PHKB: variants seen among roughly 807,000 people sequenced by gnomAD.
PHKB encodes phosphorylase b kinase regulatory subunit beta.
In PHKB, 122 loss-of-function variants were observed where a neutral mutation model predicts 152.1. The ratio of observed to expected loss-of-function variants is 0.80; its 90% CI spans 0.69 to 0.93. The LOEUF is 0.93. Among genes scored for constraint, PHKB ranks in the 40% least tolerant of loss-of-function variants. The probability of loss-of-function intolerance (pLI) is 0.00; values close to 1 mark genes in which losing one functional copy is unlikely to be tolerated. For missense variants in PHKB, 1,304 were observed against 1,328.4 expected (o/e 0.98, Z 0.29); for synonymous variants, 436 against 464.9 (o/e 0.94, Z 0.80).
chr16:47,545,822 C>T (rs542959595), intron 6 of PHKB, among the ~76,000 whole-genome samples: 1 of 152,272 alleles, frequency 6.6e-6, no homozygotes, highest in East Asian at 1.9e-4. Flanking sequence ...TATCTCTTCT[C>T]ACTTCATTTC....
At chr16:47,598,775 A>G (rs1972168222) in intron 13 of PHKB, 7 of 1,584,182 alleles carry the variant, frequency 4.4e-6, no homozygotes, top group Middle Eastern at 2.3e-4. Context: ...ACCTCTTCTA[A>G]TTGACTGCCT....
At chr16:47,506,340 T>C (rs1387057176) in intron 4 of PHKB, among the ~76,000 whole-genome samples, 2 of 152,204 alleles carry the variant, frequency 1.3e-5, no homozygotes, top group Admixed American at 6.5e-5. Flanking sequence ...AAAGTATATT[T>C]ATTCATAAGC....
intron 20 of PHKB, among the ~76,000 whole-genome samples, chr16:47,658,809 A>AGTGTGTGTGTGTGTGTGTGT (rs36066227): frequency 2.1e-5 from 3 of 140,744 alleles, no homozygotes; most frequent in African/African-American, 7.9e-5. Context: ...AATGCATGAC[A>AGTGTGTGTGTGTGTGTGTGT]GTGTGTGTGT....
Position 47,663,670 on chromosome 16 carries a change from TG to T in PHKB, c.2279-6del, listed in dbSNP as rs1421022183. ...GTTCAACAAAGACTCTATTATCCAA[TG>T]TCTAGGTACCGTTTCTGATCACATT... On this transcript the variant is annotated splice_region_variant and splice_polypyrimidine_tract_variant and intron_variant, in intron 23 of 30. Transcript: ENST00000323584. 6.2e-7 allele frequency: 1 copy of T among 1,611,518 alleles called. No homozygotes were observed. Among genetic ancestry groups the T allele is most frequent in the Non-Finnish European group, 8.5e-7 (1 of 1,177,908 alleles).
intron 8 of PHKB, among the ~76,000 whole-genome samples, chr16:47,587,398 G>T (rs999611783): frequency 1.3e-5 from 2 of 152,038 alleles, no homozygotes; most frequent in African/African-American, 2.4e-5. Flanking sequence ...TAATATATTG[G>T]CTATCTTGTA....
chr16:47,588,472 A>G (rs1324397006), intron 9 of PHKB, among the ~76,000 whole-genome samples: 1 of 152,150 alleles, frequency 6.6e-6, no homozygotes, highest in Non-Finnish European at 1.5e-5. Context: ...TTGATTGATA[A>G]CCTAGCTCTG....
intron 7 of PHKB, among the ~76,000 whole-genome samples, chr16:47,572,257 G>A (rs945594289): frequency 8.5e-5 from 13 of 152,154 alleles, no homozygotes; most frequent in African/African-American, 2.7e-4. Context: ...TTGGATACCA[G>A]CAGTCAAAGG....
chr16:47,669,362 T>C lies in PHKB; in HGVS notation c.2575T>C (p.Trp859Arg). 6.2e-7 allele frequency: 1 copy of C among 1,614,220 alleles called. No homozygotes were observed. The highest frequency in any genetic ancestry group is 8.5e-7 in the Non-Finnish European group (1 of 1,180,016). ...GCAAGAACTGGTCATCCATATTGGC[T>C]GGATCATCTCCAATAACCCTGAGTT... ...IQQELVIHIG[W>R]IISNNPELFS... The change falls in exon 26 of 31, where the codon TGG becomes CGG. Residue 859 changes from tryptophan to arginine, a missense_variant. Coordinates refer to ENST00000323584, the MANE Select transcript of PHKB (RefSeq NM_000293.3).
At chr16:47,497,277 T>C in intron 1 of PHKB, 122 bp from the exon 2 acceptor site, 1 of 688,320 alleles carries the variant, frequency 1.5e-6, no homozygotes, top group Non-Finnish European at 2.6e-6. Flanking sequence ...TAGTAAAGTA[T>C]GGTACTTCAC....
At chr16:47,492,046 T>C (rs1017886980) in intron 1 of PHKB, among the ~76,000 whole-genome samples, 1 of 152,098 alleles carries the variant, frequency 6.6e-6, no homozygotes, top group Non-Finnish European at 1.5e-5. Context: ...CCAAGTCAGT[T>C]TGTGGAGGGG....
intron 7 of PHKB, among the ~76,000 whole-genome samples, chr16:47,551,664 G>A (rs1971272817): frequency 6.6e-6 from 1 of 152,220 alleles, no homozygotes; most frequent in South Asian, 2.1e-4. Context: ...TAAGTGCGAT[G>A]TGGTGCTGAG....
At chr16:47,537,677 G>A (rs1421156237) in intron 6 of PHKB, among the ~76,000 whole-genome samples, 6 of 152,052 alleles carry the variant, frequency 3.9e-5, no homozygotes. Flanking sequence ...TAGACTGAGA[G>A]CCTGGAAAAG....
At chr16:47,676,585 T>A (rs1413647983) in intron 26 of PHKB, among the ~76,000 whole-genome samples, 1 of 152,190 alleles carries the variant, frequency 6.6e-6, no homozygotes, top group Non-Finnish European at 1.5e-5. Flanking sequence ...ATTTTATTTA[T>A]TTGCATTACC....
At chr16:47,526,089 C>T (rs1247790905) in intron 6 of PHKB, among the ~76,000 whole-genome samples, 1 of 152,022 alleles carries the variant, frequency 6.6e-6, no homozygotes, top group Non-Finnish European at 1.5e-5. Flanking sequence ...CAGCCTCTAA[C>T]CAGGGCCTCA....
chr16:47,552,558 C>G (rs1971291185), intron 7 of PHKB, among the ~76,000 whole-genome samples: 1 of 152,122 alleles, frequency 6.6e-6, no homozygotes, highest in Non-Finnish European at 1.5e-5. Context: ...CACCTGTAAT[C>G]CCAGCACTTT....
At chr16:47,577,255 A>G (rs535549628) in intron 7 of PHKB, among the ~76,000 whole-genome samples, 1 of 152,230 alleles carries the variant, frequency 6.6e-6, no homozygotes, top group East Asian at 1.9e-4. Flanking sequence ...TATTAGTTCA[A>G]ATGAAGTATA....
At position 47,547,519 on chromosome 16, in the gene PHKB, T is replaced by C. The variant is rs756950044; in HGVS notation, c.681T>C (p.Tyr227=). 4 of 1,608,158 alleles carry C rather than the reference T, an allele frequency of 2.5e-6. No individual in the cohort carries two copies. Among genetic ancestry groups the C allele is most frequent in the South Asian group, 2.2e-5 (2 of 90,946 alleles). The change falls in exon 7 of 31, where the codon TAT becomes TAC. Residue 227 remains tyrosine (Y), a synonymous_variant. Transcript: ENST00000323584. ...GTGTCTGGGAAAGAGGAAGCAAATA[T>C]AATAATGGCAGCACAGAGCTACATT... ...DFGVWERGSK[Y]NNGSTELHSS... is the part of the protein sequence containing the mutation.
chr16:47,679,975 T>A (rs1450777770), intron 26 of PHKB, among the ~76,000 whole-genome samples: 1 of 152,236 alleles, frequency 6.6e-6, no homozygotes, highest in African/African-American at 2.4e-5. Flanking sequence ...GTTTTTAGCA[T>A]GAAGTGTTGT....
At chr16:47,540,946 G>C (rs1971046713) in intron 6 of PHKB, among the ~76,000 whole-genome samples, 1 of 149,398 alleles carries the variant, frequency 6.7e-6, no homozygotes. Flanking sequence ...TCCTGCCTCA[G>C]CCTCCCAAGT....
Sources: allele counts gnomAD v4.1 joint callset (sites outside exome capture counted in the v4.1 genomes callset), GRCh38; gene constraint gnomAD v4.1.1; transcripts MANE v1.5; gene names NCBI Gene and HGNC (gene_info 2026-07-23, HGNC 2026-07-21).